Variants in PRKAB2 observed in about 807,000 individuals in gnomAD.
The protein encoded by PRKAB2 is protein kinase AMP-activated non-catalytic subunit beta 2, also known as 5'-AMP-activated protein kinase subunit beta-2.
PRKAB2 carries 18 observed loss-of-function variants against 29.8 expected under a neutral mutation model. The ratio of observed to expected loss-of-function variants is 0.60; its 90% CI spans 0.42 to 0.89. PRKAB2 has a LOEUF of 0.89. Among genes scored for constraint, PRKAB2 ranks in the 40% least tolerant of loss-of-function variants. The pLI is 0.00. For synonymous variants in PRKAB2, 136 were observed against 125.9 expected (o/e 1.08, Z -0.54); for missense variants, 270 against 344.3 (o/e 0.78, Z 1.71).
intron 2 of PRKAB2, among the ~76,000 whole-genome samples, chr1:147,170,108 G>A (rs1654442761): frequency 6.6e-6 from 1 of 152,126 alleles, no homozygotes; most frequent in Non-Finnish European, 1.5e-5. Flanking sequence ...CAGGAAAAGA[G>A]GCAAAACGAC....
chr1:147,168,437 C>T (rs1654358086), intron 2 of PRKAB2, among the ~76,000 whole-genome samples: 1 of 152,128 alleles, frequency 6.6e-6, no homozygotes, highest in Non-Finnish European at 1.5e-5. Context: ...AATTCATAAA[C>T]TGTATTTCAG....
In PRKAB2 at chr1:147,166,706, G is replaced by A. The variant is rs1424984333; in HGVS notation, c.418-88C>T. ...CTTCCTCTTTTACTAAAATTTACACGATTGTTCTCAGCACCTCCACGTTTT... is the reference window on the plus strand; with the variant it reads ...CTTCCTCTTTTACTAAAATTTACACAATTGTTCTCAGCACCTCCACGTTTT... On this transcript the variant is annotated intron_variant, in intron 4 of 7. Transcript: ENST00000254101. 154 of 1,575,346 alleles carry A rather than the reference G, an allele frequency of 9.8e-5. 2 individuals are homozygous for A. The highest frequency in any genetic ancestry group is 1.3e-4 in the Non-Finnish European group (148 of 1,155,680).
At chr1:147,168,206 C>A (rs587756612) in intron 2 of PRKAB2, among the ~76,000 whole-genome samples, 1 of 151,896 alleles carries the variant, frequency 6.6e-6, no homozygotes, top group Non-Finnish European at 1.5e-5. Flanking sequence ...CTTAGACTCT[C>A]CCTTAAAAAA....
At position 147,156,958 on chromosome 1, in the gene PRKAB2, C is replaced by A. The variant is rs1191431879; in HGVS notation, c.*2607G>T. The A allele has an allele frequency of 6.6e-6, 1 of 152,172 alleles. No individual in the cohort carries two copies. Among genetic ancestry groups the A allele is most frequent in the East Asian group, 1.9e-4 (1 of 5,168 alleles). The allele number at this position is 152,172 out of a possible 1,614,324, so 9.4% of individuals were successfully genotyped here. ...TCTCAGCTCAGTCACTCTTCTCTTCCCCACAATTCCGAAACTATGTTGAAG... is the reference window on the plus strand; with the variant it reads ...TCTCAGCTCAGTCACTCTTCTCTTCACCACAATTCCGAAACTATGTTGAAG... On this transcript the variant is annotated 3_prime_UTR_variant, in exon 8 of 8. Transcript: ENST00000254101.
chr1:147,166,426 C>T (rs1654254698), intron 5 of PRKAB2, 72 bp downstream of exon 5: 3 of 1,470,680 alleles, frequency 2.0e-6, no homozygotes, highest in Non-Finnish European at 1.9e-6. Flanking sequence ...TATGTATATA[C>T]ACACATAAAC....
chr1:147,166,398 GCT>G (rs1654252627), intron 5 of PRKAB2, 98 bp downstream of exon 5: 33 of 1,286,986 alleles, frequency 2.6e-5, no homozygotes, highest in South Asian at 3.3e-5. Flanking sequence ...CCAACCCCCT[GCT>G]CTCTCTCTCC....
At position 147,170,578 on chromosome 1, in the gene PRKAB2, GGTTTTTTT is replaced by G. The variant is rs587697112; in HGVS notation, c.156+1403_156+1410del. Reference sequence around the variant, plus strand: ...CTCTCACTTCTCTGTGATTATGGTTGGTTTTTTTGTTTTTTTGTTTTTTTGTTTTGAGA... The same window carrying G: ...CTCTCACTTCTCTGTGATTATGGTTGGTTTTTTTGTTTTTTTGTTTTGAGA... On this transcript the variant is annotated intron_variant, in intron 2 of 7. Coordinates refer to ENST00000254101, the MANE Select transcript of PRKAB2 (RefSeq NM_005399.5). 2.7e-3 allele frequency among the ~76,000 whole-genome samples: 410 copies of G among 151,810 alleles called. 1 individual carries two copies. Among genetic ancestry groups the G allele is most frequent in the African/African-American group, 7.7e-3 (320 of 41,352 alleles).
chr1:147,162,654 C>G (rs1654028022), intron 5 of PRKAB2, 81 bp from the exon 6 acceptor site: 4 of 1,367,742 alleles, frequency 2.9e-6, no homozygotes, highest in African/African-American at 1.5e-5. Flanking sequence ...TACATGGCAG[C>G]TAACATTAAA....
Position 147,159,589 on chromosome 1 carries a change from AG to A in PRKAB2, c.794del (p.Thr265IlefsTer16). 5.0e-6 allele frequency: 8 copies of A among 1,613,594 alleles called. No homozygotes were observed. Among genetic ancestry groups the A allele is most frequent in the Non-Finnish European group, 6.8e-6 (8 of 1,179,672 alleles). On this transcript the variant is annotated frameshift_variant, in exon 8 of 8. Coordinates refer to ENST00000254101, the MANE Select transcript of PRKAB2 (RefSeq NM_005399.5). LOFTEE classifies it high-confidence loss of function. ...TTCAAATGGGCTTGTATAGCAGAGT[AG>A]TAACATACTTCTTCTTGTAGCGATG... The part of the protein sequence containing the change: ...ATHRYKKKYV[T>X]TLLYKPI
rs1653715415 is a variant in PRKAB2, at chr1:147,157,169, A to G, written c.*2396T>C. On this transcript the variant is annotated 3_prime_UTR_variant, in exon 8 of 8. Coordinates refer to ENST00000254101, the MANE Select transcript of PRKAB2 (RefSeq NM_005399.5). ...TTAACTAATCAATATACAATGATAA[A>G]TGAGTAGTACTTTGGGTTACTTCCT... The G allele has an allele frequency of 6.6e-6, 1 of 152,180 alleles. No homozygotes were observed. The highest frequency in any genetic ancestry group is 2.1e-4 in the South Asian group (1 of 4,834). The allele number at this position is 152,180 out of a possible 1,614,324, so 9.4% of individuals were successfully genotyped here.
In PRKAB2 at chr1:147,155,809, A is replaced by C. The variant is rs1485961754; in HGVS notation, c.*3756T>G. 2.0e-5 allele frequency: 3 copies of C among 152,602 alleles called. No individual in the cohort carries two copies. The highest frequency in any genetic ancestry group is 7.2e-5 in the African/African-American group (3 of 41,456). The allele number at this position is 152,602 out of a possible 1,614,324, so 9.5% of individuals were successfully genotyped here. ...AGAAAAGCAAATCCAGACAAAGCCCAAACTAGAATCCTAGAGCGATTCCAT... is the reference window on the plus strand; with the variant it reads ...AGAAAAGCAAATCCAGACAAAGCCCCAACTAGAATCCTAGAGCGATTCCAT... On this transcript the variant is annotated 3_prime_UTR_variant, in exon 8 of 8. Coordinates refer to ENST00000254101, the MANE Select transcript of PRKAB2 (RefSeq NM_005399.5).
intron 7 of PRKAB2, among the ~76,000 whole-genome samples, chr1:147,160,478 A>G (rs1299588700): frequency 6.6e-6 from 1 of 152,160 alleles, no homozygotes; most frequent in African/African-American, 2.4e-5. Flanking sequence ...CAGTTACAGG[A>G]GGCAAAATCC....
At chr1:147,163,664 C>T (rs1476624250) in intron 5 of PRKAB2, among the ~76,000 whole-genome samples, 1 of 152,058 alleles carries the variant, frequency 6.6e-6, no homozygotes, top group Admixed American at 6.5e-5. Context: ...GACAGCAAGA[C>T]TTGTGGTTGC....
chr1:147,165,119 G>A (rs1429211861), intron 5 of PRKAB2, among the ~76,000 whole-genome samples: 6 of 152,266 alleles, frequency 3.9e-5, no homozygotes, highest in East Asian at 3.9e-4. Flanking sequence ...TCCGCCTCCC[G>A]GGTTCACGTC....
intron 5 of PRKAB2, 98 bp downstream of exon 5, chr1:147,166,400 T>C (rs1654252824): frequency 1.5e-6 from 2 of 1,290,826 alleles, no homozygotes; most frequent in African/African-American, 3.0e-5. Flanking sequence ...AACCCCCTGC[T>C]CTCTCTCTCC....
chr1:147,172,121 C>T lies in PRKAB2; in HGVS notation c.24G>A (p.Arg8=). MGNTTSD[R]VSGERHGAKA... is the part of the protein sequence containing the mutation. ...TGGCGCCGTGGCGCTCCCCGGACACCCGGTCGCTGGTGGTGTTTCCCATGG... is the reference window on the plus strand; with the variant it reads ...TGGCGCCGTGGCGCTCCCCGGACACTCGGTCGCTGGTGGTGTTTCCCATGG... Residue 8 remains arginine, a synonymous_variant, in exon 2 of 8, where the codon CGG becomes CGA. Coordinates refer to ENST00000254101, the MANE Select transcript of PRKAB2 (RefSeq NM_005399.5). 1 of 1,552,970 alleles carries T rather than the reference C, an allele frequency of 6.4e-7. No individual in the cohort carries two copies. Among genetic ancestry groups the T allele is most frequent in the Non-Finnish European group, 8.7e-7 (1 of 1,149,200 alleles).
intron 1 of PRKAB2, 98 bp downstream of exon 1, chr1:147,172,331 A>C: frequency 1.3e-6 from 1 of 760,080 alleles, no homozygotes; most frequent in Non-Finnish European, 2.0e-6. Context: ...GCCTGCAAAT[A>C]CCCCGGTGCC....
At chr1:147,167,031 A>T (rs1553913786) in intron 3 of PRKAB2, 92 bp from the exon 4 acceptor site, 2 of 1,038,038 alleles carry the variant, frequency 1.9e-6, no homozygotes, top group African/African-American at 3.2e-5. Flanking sequence ...CATATGAATA[A>T]TTTCCCAGAT....
intron 2 of PRKAB2, among the ~76,000 whole-genome samples, chr1:147,170,416 A>T (rs1361496826): frequency 6.6e-6 from 1 of 152,208 alleles, no homozygotes; most frequent in Non-Finnish European, 1.5e-5. Context: ...AGTCATCAAC[A>T]TAGGAAAAGG....
Sources: allele counts gnomAD v4.1 joint callset (sites outside exome capture counted in the v4.1 genomes callset), GRCh38; gene constraint gnomAD v4.1.1; transcripts MANE v1.5; gene names NCBI Gene and HGNC (gene_info 2026-07-23, HGNC 2026-07-21).